The following NSL1 variants were observed in gnomAD, a reference collection of about 807,000 sequenced individuals.
The protein encoded by NSL1 is NSL1 component of MIS12 kinetochore complex, also known as kinetochore-associated protein NSL1 homolog.
A neutral mutation model predicts 25.4 loss-of-function variants in NSL1; 11 were observed. The ratio of observed to expected loss-of-function variants is 0.43; its 90% confidence interval spans 0.27 to 0.72. The LOEUF is 0.72. Ranked by LOEUF, NSL1 falls within the 30% of genes least tolerant of loss-of-function variation. The pLI, the probability that NSL1 is intolerant of heterozygous loss-of-function variation, is 0.19. For synonymous variants in NSL1, 118 were observed against 120.6 expected (o/e 0.98, Z 0.14); for missense variants, 330 against 342.7 (o/e 0.96, Z 0.29).
intron 4 of NSL1, among the ~76,000 whole-genome samples, chr1:212,753,442 T>C (rs1659159625): frequency 6.6e-6 from 1 of 152,216 alleles, no homozygotes; most frequent in African/African-American, 2.4e-5. Flanking sequence ...ACCAGATAAA[T>C]TCCTTCCTGT....
At chr1:212,781,857 A>G in intron 4 of NSL1, 1 of 194,812 alleles carries the variant, frequency 5.1e-6, no homozygotes, top group Non-Finnish European at 1.1e-5. Context: ...TGTTTGTGTC[A>G]AGTTTATTTC....
rs961179819 is a variant in NSL1 at position 212,735,628 on chromosome 1, T to C, written c.*2780A>G. 2 of 697,908 alleles carry C rather than the reference T, an allele frequency of 2.9e-6. No homozygotes were observed. The highest frequency in any genetic ancestry group is 3.5e-6 in the Non-Finnish European group (2 of 567,678). The allele number at this position is 697,908 out of a possible 1,614,324, so 43.2% of individuals were successfully genotyped here. On this transcript the variant is annotated 3_prime_UTR_variant, in exon 6 of 6. Transcript: ENST00000366977. ...AACTCCCATGTGCCTATAGCTGTAT[T>C]TGGAGATGGGGCCTCTAAGGAAATA...
At position 212,769,635 on chromosome 1, in the gene NSL1, CAA is replaced by C. The variant is rs745995917; in HGVS notation, c.499+12735_499+12736del. Reference sequence around the variant, plus strand: ...CTTAAGGAAGTTCTACATCTGGAAGCAAAAAGACAGTATCTACCATCATGTGA... The same window carrying C: ...CTTAAGGAAGTTCTACATCTGGAAGCAAAGACAGTATCTACCATCATGTGA... On this transcript the variant is annotated intron_variant, in intron 4 of 5. Transcript: ENST00000366977. 1.2e-4 allele frequency among the ~76,000 whole-genome samples: 18 copies of C among 152,076 alleles called. No individual in the cohort carries two copies. In the East Asian group the frequency reaches 2.5e-3, roughly 21 times the overall value.
rs922497508 is a variant in NSL1, at chr1:212,754,972, G to A, written c.500-15371C>T. The stretch of plus-strand genomic sequence containing the variant: ...TATGGCTCCAGCCTGGGATTGTTTG[G>A]GGCCAGATGGAAGGCAACCAAACCT... On this transcript the variant is annotated intron_variant, in intron 4 of 5. Transcript: ENST00000366977. Among the ~76,000 whole-genome samples, 3 of 152,144 alleles carry A rather than the reference G, an allele frequency of 2.0e-5. No individual in the cohort carries two copies. In the East Asian group the frequency reaches 5.8e-4, roughly 29 times the overall value.
intron 4 of NSL1, among the ~76,000 whole-genome samples, chr1:212,779,524 C>A: frequency 1.8e-5 from 2 of 113,216 alleles, no homozygotes; most frequent in African/African-American, 3.6e-5. Context: ...GTCAGCCCCC[C>A]GCCCAGCCAG....
At chr1:212,782,748 A>G (rs1211699608) in intron 3 of NSL1, among the ~76,000 whole-genome samples, 1 of 152,224 alleles carries the variant, frequency 6.6e-6, no homozygotes, top group Non-Finnish European at 1.5e-5. Flanking sequence ...CCAATTATGA[A>G]GGGACTGTGT....
At chr1:212,774,378 G>A (rs919915981) in intron 4 of NSL1, among the ~76,000 whole-genome samples, 3 of 151,868 alleles carry the variant, frequency 2.0e-5, no homozygotes, top group Admixed American at 2.0e-4. Flanking sequence ...CAAATATTAT[G>A]TACCAATTTA....
At chr1:212,775,027 T>C (rs1399441154) in intron 4 of NSL1, among the ~76,000 whole-genome samples, 11 of 152,174 alleles carry the variant, frequency 7.2e-5, no homozygotes, top group African/African-American at 2.2e-4. Flanking sequence ...ATAAAATACA[T>C]AGTATATGTC....
At chr1:212,771,083 G>A (rs1000950106) in intron 4 of NSL1, among the ~76,000 whole-genome samples, 3 of 152,214 alleles carry the variant, frequency 2.0e-5, no homozygotes, top group Admixed American at 1.3e-4. Context: ...GGAGGCTGAG[G>A]CAGGCGGATC....
rs142228205 is a variant in NSL1 at position 212,739,541 on chromosome 1, G to T, written c.560C>A (p.Ala187Asp). 60 of 1,613,236 alleles carry T rather than the reference G, an allele frequency of 3.7e-5. No individual in the cohort carries two copies. In the African/African-American group the frequency reaches 7.2e-4, roughly 19 times the overall value. ...GETVAKEISE[A>D]MKSLPALIEQ... is the part of the protein sequence containing the mutation. Reference sequence around the variant, plus strand: ...TTAGCACATAGCTTTTACCTTCATGGCTTCACTGATCTCCTTTGCTACTGT... The same window carrying T: ...TTAGCACATAGCTTTTACCTTCATGTCTTCACTGATCTCCTTTGCTACTGT... Residue 187 changes from alanine to aspartate, a missense_variant, in exon 5 of 6, where the codon GCC becomes GAC. By Grantham distance (126) the Ala-to-Asp change is moderately radical. Transcript: ENST00000366977.
At chr1:212,772,857 G>A (rs1201641409) in intron 4 of NSL1, among the ~76,000 whole-genome samples, 1 of 152,012 alleles carries the variant, frequency 6.6e-6, no homozygotes, top group African/African-American at 2.4e-5. Flanking sequence ...AAAAAGACAT[G>A]GACCAGTGGA....
intron 4 of NSL1, among the ~76,000 whole-genome samples, chr1:212,763,075 C>T (rs945150664): frequency 3.3e-5 from 5 of 152,164 alleles, no homozygotes; most frequent in African/African-American, 1.2e-4. Flanking sequence ...GTCTGAGTTC[C>T]GTGCGCAGAC....
intron 4 of NSL1, among the ~76,000 whole-genome samples, chr1:212,755,238 A>C (rs1659249283): frequency 6.6e-6 from 1 of 152,180 alleles, no homozygotes; most frequent in Non-Finnish European, 1.5e-5. Flanking sequence ...AGACATTGCA[A>C]AAGAAAAATA....
chr1:212,730,575 T>A lies in NSL1; in HGVS notation c.*7833A>T, dbSNP rs1472767917. Reference sequence around the variant, plus strand: ...GAAGACCTGCAGGGAGAAGTTGAATTTTCTTCTCTAGCTATCCCAGGCCAC... The same window carrying A: ...GAAGACCTGCAGGGAGAAGTTGAATATTCTTCTCTAGCTATCCCAGGCCAC... On this transcript the variant is annotated 3_prime_UTR_variant, in exon 6 of 6. Transcript: ENST00000366977. 2 of 985,310 alleles carry A rather than the reference T, an allele frequency of 2.0e-6. No homozygotes were observed. Among genetic ancestry groups the A allele is most frequent in the South Asian group, 4.7e-5 (1 of 21,274 alleles). The allele number at this position is 985,310 out of a possible 1,614,324, so 61.0% of individuals were successfully genotyped here.
chr1:212,775,837 GT>G (rs907595593), intron 4 of NSL1, among the ~76,000 whole-genome samples: 2 of 150,240 alleles, frequency 1.3e-5, no homozygotes, highest in African/African-American at 4.9e-5. Context: ...GTTTTTTTTT[GT>G]TTTTTTTGAG....
Position 212,732,745 on chromosome 1 carries a change from A to G in NSL1, c.*5663T>C, listed in dbSNP as rs961527670. ...TGGTTTACCCTTTGGAATAGAGCAC[A>G]GCCCCTGGTAGAACCCCCAAACGGG... On this transcript the variant is annotated 3_prime_UTR_variant, in exon 6 of 6. Coordinates refer to ENST00000366977, the MANE Select transcript of NSL1 (RefSeq NM_015471.4). 22 of 688,918 alleles carry G rather than the reference A, an allele frequency of 3.2e-5. No homozygotes were observed. In the South Asian group the frequency reaches 1.2e-3, roughly 37 times the overall value. The allele number at this position is 688,918 out of a possible 1,614,324, so 42.7% of individuals were successfully genotyped here. A position where few individuals can be genotyped will look rare whatever the true frequency, so the allele number is the denominator to read the frequency against.
chr1:212,728,070 A>C lies in NSL1; in HGVS notation c.*10338T>G. The C allele has an allele frequency of 1.0e-6, 1 of 985,266 alleles. No individual in the cohort carries two copies. 61.0% of individuals were successfully genotyped at this position (985,266 alleles called of 1,614,324 possible). A position where few individuals can be genotyped will look rare whatever the true frequency, so the allele number is the denominator to read the frequency against. ...TAGACCGCTGGGAAGGTGGCCAGGCACTTCCCTTCTCATCTCCACCTCTTT... is the reference window on the plus strand; with the variant it reads ...TAGACCGCTGGGAAGGTGGCCAGGCCCTTCCCTTCTCATCTCCACCTCTTT... On this transcript the variant is annotated 3_prime_UTR_variant, in exon 6 of 6. Transcript: ENST00000366977.
chr1:212,755,585 A>G (rs1659266365), intron 4 of NSL1, among the ~76,000 whole-genome samples: 1 of 147,470 alleles, frequency 6.8e-6, no homozygotes, highest in Non-Finnish European at 1.5e-5. Flanking sequence ...TAATATTTAT[A>G]TAAACAACTA....
chr1:212,768,258 T>G (rs1659918851), intron 4 of NSL1, among the ~76,000 whole-genome samples: 1 of 140,092 alleles, frequency 7.1e-6, no homozygotes, highest in South Asian at 2.2e-4. Context: ...AGGCGGAGCT[T>G]GCAGTGAGCC....
Sources: gnomAD v4.1 joint callset for allele counts (sites outside exome capture counted in the v4.1 genomes callset) on GRCh38, gnomAD v4.1.1 for gene constraint, MANE v1.5 for transcripts, NCBI Gene and HGNC (gene_info 2026-07-23, HGNC 2026-07-21) for gene names.